The following AGBL4 variants were observed in gnomAD, a reference collection of about 807,000 sequenced individuals.
AGBL4 encodes cytosolic carboxypeptidase 6.
A neutral mutation model predicts 66.4 loss-of-function variants in AGBL4; 58 were observed. The observed-to-expected ratio is 0.87, with a 90% CI of 0.71 to 1.09. The LOEUF (loss-of-function observed/expected upper bound fraction) is 1.09, where lower values mean the gene tolerates loss of function less well. Among genes scored for constraint, AGBL4 ranks in the 50% least tolerant of loss-of-function variants. The pLI is 0.00. For synonymous variants in AGBL4, 234 were observed against 222.9 expected, an observed-to-expected ratio of 1.05 and a Z score of -0.44; for missense variants, 579 against 631.0, an observed-to-expected ratio of 0.92 and a Z score of 0.88.
chr1:49,915,772 C>T (rs551005503), intron 1 of AGBL4, among the ~76,000 whole-genome samples: 46 of 152,248 alleles, frequency 3.0e-4, no homozygotes, highest in South Asian at 6.2e-4. Flanking sequence ...GATCTGAGAA[C>T]GGACAGGCTG....
intron 3 of AGBL4, among the ~76,000 whole-genome samples, chr1:49,503,906 T>C (rs1263502942): frequency 6.6e-6 from 1 of 152,174 alleles, no homozygotes; most frequent in African/African-American, 2.4e-5. Flanking sequence ...CTGGAATGCA[T>C]GAAGACTTTG....
intron 1 of AGBL4, among the ~76,000 whole-genome samples, chr1:49,959,097 C>A (rs528968810): frequency 6.6e-5 from 10 of 151,048 alleles, no homozygotes; most frequent in African/African-American, 2.4e-4. Context: ...GCAAGCAAAG[C>A]AAATAAAGGA....
intron 1 of AGBL4, among the ~76,000 whole-genome samples, chr1:49,983,738 C>A (rs752711930): frequency 3.3e-5 from 5 of 152,148 alleles, no homozygotes; most frequent in African/African-American, 4.8e-5. Flanking sequence ...TTCATACTTG[C>A]AGAAGTTCAT....
chr1:49,285,126 C>T (rs183637366), intron 3 of AGBL4, among the ~76,000 whole-genome samples: 3 of 152,260 alleles, frequency 2.0e-5, no homozygotes, highest in East Asian at 1.9e-4. Context: ...GGAAGTAAAG[C>T]TCTCCTCAGC....
intron 8 of AGBL4, among the ~76,000 whole-genome samples, chr1:48,645,177 AG>A (rs1645815594): frequency 6.6e-6 from 1 of 152,198 alleles, no homozygotes; most frequent in South Asian, 2.1e-4. Flanking sequence ...TTACACTGCC[AG>A]CCCCAGTGTC....
In AGBL4 at chr1:49,921,270, C is replaced by T. The variant is rs942650546; in HGVS notation, c.35-69752G>A. Reference sequence around the variant, plus strand: ...AAAAAAAGAAAAAAAAACAAACAAACAATTCTAATTGGGTTAAACAAATTA... The same window carrying T: ...AAAAAAAGAAAAAAAAACAAACAAATAATTCTAATTGGGTTAAACAAATTA... On this transcript the variant is annotated intron_variant, in intron 1 of 13. Transcript: ENST00000371839. Among the ~76,000 whole-genome samples, 3 of 151,162 alleles carry T rather than the reference C, an allele frequency of 2.0e-5. No homozygotes were observed. In the East Asian group the frequency reaches 5.9e-4, roughly 29 times the overall value.
At chr1:49,055,067 T>A (rs1391323343) in intron 4 of AGBL4, among the ~76,000 whole-genome samples, 4 of 151,986 alleles carry the variant, frequency 2.6e-5, no homozygotes, top group Non-Finnish European at 5.9e-5. Flanking sequence ...AAAGCAAAAT[T>A]GAAATACAAG....
intron 4 of AGBL4, among the ~76,000 whole-genome samples, chr1:49,195,334 T>C (rs998348401): frequency 2.0e-5 from 3 of 152,232 alleles, no homozygotes; most frequent in African/African-American, 7.2e-5. Flanking sequence ...GCATTTCTTG[T>C]AGGACTGGTC....
intron 3 of AGBL4, among the ~76,000 whole-genome samples, chr1:49,379,828 G>T (rs1557885277): frequency 6.6e-6 from 1 of 151,980 alleles, no homozygotes; most frequent in Non-Finnish European, 1.5e-5. Context: ...AAGGATATTG[G>T]TCTAAAATTC....
intron 3 of AGBL4, among the ~76,000 whole-genome samples, chr1:49,318,674 T>C (rs2148472757): frequency 6.6e-6 from 1 of 152,024 alleles, no homozygotes; most frequent in East Asian, 1.9e-4. Flanking sequence ...GGTAAAATAG[T>C]GTAAGTATCT....
chr1:48,768,007 G>A (rs1644615362), intron 6 of AGBL4, among the ~76,000 whole-genome samples: 1 of 152,182 alleles, frequency 6.6e-6, no homozygotes, highest in African/African-American at 2.4e-5. Context: ...AGCAGAAACT[G>A]AGGCTCAAAG....
In AGBL4 at chr1:49,285,071, T is replaced by A. The variant is rs1444439266; in HGVS notation, c.283-39207A>T. Among the ~76,000 whole-genome samples, 5 of 152,074 alleles carry A rather than the reference T, an allele frequency of 3.3e-5. 1 individual carries two copies. The East Asian group carries it at 9.7e-4, about 29-fold the overall frequency. ...CCACCCCAAATCAACAGAATATACA[T>A]TTTTTTCAGCACACCACACCTATTC... On this transcript the variant is annotated intron_variant, in intron 3 of 13. Transcript: ENST00000371839.
chr1:48,934,246 T>C (rs1179997942), intron 5 of AGBL4, among the ~76,000 whole-genome samples: 3 of 152,082 alleles, frequency 2.0e-5, no homozygotes, highest in Non-Finnish European at 2.9e-5. Context: ...CGCTCAGCTA[T>C]TATAGCAGGA....
intron 6 of AGBL4, among the ~76,000 whole-genome samples, chr1:48,780,688 T>A (rs1457703596): frequency 2.0e-5 from 3 of 152,242 alleles, no homozygotes; most frequent in African/African-American, 7.2e-5. Flanking sequence ...AAGGATTCCC[T>A]GTTTAATAAA....
At chr1:49,842,516 T>A in intron 2 of AGBL4, 1 of 987,782 alleles carries the variant, frequency 1.0e-6, no homozygotes, top group Non-Finnish European at 1.2e-6. Context: ...ACAGCAAATT[T>A]ACTACTCAGT....
At chr1:49,796,360 G>T (rs745461068) in intron 2 of AGBL4, among the ~76,000 whole-genome samples, 4 of 151,368 alleles carry the variant, frequency 2.6e-5, no homozygotes, top group Admixed American at 6.6e-5. Context: ...AAAATGAGGA[G>T]AAATGAAGAC....
intron 3 of AGBL4, among the ~76,000 whole-genome samples, chr1:49,522,893 G>C (rs1650375948): frequency 6.6e-6 from 1 of 152,060 alleles, no homozygotes; most frequent in African/African-American, 2.4e-5. Context: ...TGCCAGGCCA[G>C]TACATTAGTT....
At chr1:49,561,721 G>A (rs185791909) in intron 3 of AGBL4, among the ~76,000 whole-genome samples, 1,962 of 152,152 alleles carry the variant, frequency 0.013, 47 homozygotes, top group African/African-American at 0.046. Flanking sequence ...TGGATATTTG[G>A]GTTGGTTCCA....
intron 4 of AGBL4, among the ~76,000 whole-genome samples, chr1:49,191,797 C>T (rs1038312031): frequency 1.3e-5 from 2 of 152,130 alleles, no homozygotes; most frequent in Non-Finnish European, 2.9e-5. Flanking sequence ...TGATGTTGTT[C>T]TTTTTTATGG....
Sources: gnomAD v4.1 joint callset for allele counts (sites outside exome capture counted in the v4.1 genomes callset) on GRCh38, gnomAD v4.1.1 for gene constraint, MANE v1.5 for transcripts, NCBI Gene and HGNC (gene_info 2026-07-23, HGNC 2026-07-21) for gene names.